The following CEP43 variants were observed in gnomAD, a reference collection of about 807,000 sequenced individuals.
CEP43 encodes FGFR1 oncogene partner.
A neutral mutation model predicts 52.6 loss-of-function variants in CEP43; 36 were observed. The observed-to-expected ratio is 0.68, with a 90% CI of 0.52 to 0.90. The LOEUF is 0.90. Among genes scored for constraint, CEP43 ranks in the 40% least tolerant of loss-of-function variants. The pLI is 0.00. For synonymous variants in CEP43, 192 were observed against 172.4 expected, an observed-to-expected ratio of 1.11 and a Z score of -0.89; for missense variants, 506 against 472.8, an observed-to-expected ratio of 1.07 and a Z score of -0.65.
intron 10 of CEP43, among the ~76,000 whole-genome samples, chr6:167,031,574 G>A (rs771845978): frequency 7.9e-5 from 12 of 152,212 alleles, no homozygotes; most frequent in African/African-American, 2.7e-4. Flanking sequence ...CAGTCTGACC[G>A]ATTTAGAGAC....
chr6:167,033,942 G>C lies in CEP43; in HGVS notation c.1096G>C (p.Glu366Gln). The change falls in exon 12 of 13, where the codon GAA becomes CAA. Residue 366 changes from glutamate to glutamine, a missense_variant. Physicochemically the swap from Glu to Gln is conservative, Grantham distance 29. Coordinates refer to ENST00000366847, the MANE Select transcript of CEP43 (RefSeq NM_007045.4). ...AGAGATAGAAGAAGACCTTTCTGTG[G>C]AAATAGATGACATCAATACCAGTGA... ...GEEIEEDLSV[E>Q]IDDINTSDKL... 1 of 1,587,652 alleles carries C rather than the reference G, an allele frequency of 6.3e-7. No individual in the cohort carries two copies. The highest frequency in any genetic ancestry group is 8.6e-7 in the Non-Finnish European group (1 of 1,159,630).
intron 5 of CEP43, among the ~76,000 whole-genome samples, chr6:167,009,539 T>C (rs1438942427): frequency 7.2e-6 from 1 of 138,074 alleles, no homozygotes; most frequent in Non-Finnish European, 1.5e-5. Flanking sequence ...ATACAAGGAA[T>C]TAGCTGGGCG....
chr6:167,021,861 C>G (rs1780239524), intron 7 of CEP43, among the ~76,000 whole-genome samples: 1 of 152,184 alleles, frequency 6.6e-6, no homozygotes, highest in Admixed American at 6.5e-5. Context: ...CAGCGCCTTT[C>G]ACCTTGATGC....
chr6:167,008,308 A>G (rs1255181587), intron 5 of CEP43, among the ~76,000 whole-genome samples: 1 of 151,358 alleles, frequency 6.6e-6, no homozygotes, highest in South Asian at 2.1e-4. Flanking sequence ...CTCAGCTGCA[A>G]CTCTTGTTCT....
In CEP43 at chr6:167,040,431, T is replaced by C; in HGVS notation, c.*453T>C. The C allele has an allele frequency of 8.1e-7, 1 of 1,238,652 alleles. No individual in the cohort carries two copies. The highest frequency in any genetic ancestry group is 1.0e-6 in the Non-Finnish European group (1 of 986,608). 76.7% of individuals were successfully genotyped at this position (1,238,652 alleles called of 1,614,324 possible). A position where few individuals can be genotyped will look rare whatever the true frequency, so the allele number is the denominator to read the frequency against. ...TTTTGATATTAGGTGGTTCTACACA[T>C]AGTTGGCAAAATGACTTGGTAAATT... On this transcript the variant is annotated 3_prime_UTR_variant, in exon 13 of 13. Coordinates refer to ENST00000366847, the MANE Select transcript of CEP43 (RefSeq NM_007045.4).
chr6:167,027,821 G>A (rs1178620119), intron 10 of CEP43: 4 of 972,398 alleles, frequency 4.1e-6, no homozygotes, highest in Non-Finnish European at 4.9e-6. Flanking sequence ...TAGGTGCCTA[G>A]TAAATGTTAG....
chr6:167,008,227 T>G (rs879297227), intron 5 of CEP43, among the ~76,000 whole-genome samples: 1 of 152,154 alleles, frequency 6.6e-6, no homozygotes, highest in Non-Finnish European at 1.5e-5. Context: ...TATTTCGTTA[T>G]TCTATCCTCC....
At chr6:167,036,275 G>A (rs2128668159) in intron 12 of CEP43, 1 of 985,446 alleles carries the variant, frequency 1.0e-6, no homozygotes, top group South Asian at 4.7e-5. Flanking sequence ...CATGAGAACA[G>A]AAGGGAGATC....
intron 7 of CEP43, among the ~76,000 whole-genome samples, chr6:167,017,954 A>G (rs1001663889): frequency 7.2e-5 from 11 of 152,258 alleles, no homozygotes; most frequent in Non-Finnish European, 1.5e-4. Context: ...AAGTACCAAT[A>G]TTGGGTGGCT....
chr6:167,036,568 A>C (rs1780589706), intron 12 of CEP43: 1 of 985,446 alleles, frequency 1.0e-6, no homozygotes, highest in Middle Eastern at 5.2e-4. Flanking sequence ...CTAATTCAGC[A>C]AACGTGAACA....
chr6:167,015,186 C>T (rs1388095149), intron 7 of CEP43, among the ~76,000 whole-genome samples: 1 of 152,134 alleles, frequency 6.6e-6, no homozygotes, highest in Admixed American at 6.5e-5. Context: ...GGATTTAGTC[C>T]ATAATTTGGG....
chr6:167,008,882 G>A (rs1015140497), intron 5 of CEP43, among the ~76,000 whole-genome samples: 2 of 152,178 alleles, frequency 1.3e-5, no homozygotes, highest in African/African-American at 4.8e-5. Flanking sequence ...AAAATATGGA[G>A]AAGTTAGCAG....
chr6:167,022,835 G>GT (rs1780267629), intron 8 of CEP43, among the ~76,000 whole-genome samples, 200 bp downstream of exon 8: 1 of 152,078 alleles, frequency 6.6e-6, no homozygotes, highest in South Asian at 2.1e-4. Flanking sequence ...ATTCCAACAA[G>GT]TAAGTGTAGA....
chr6:167,029,386 A>G (rs943954846), intron 10 of CEP43, among the ~76,000 whole-genome samples: 6 of 152,270 alleles, frequency 3.9e-5, no homozygotes, highest in Non-Finnish European at 7.3e-5. Flanking sequence ...GAAGTATTTC[A>G]GAGTCTGGAT....
chr6:167,000,621 A>G (rs543265289), intron 2 of CEP43, among the ~76,000 whole-genome samples: 47 of 152,366 alleles, frequency 3.1e-4, no homozygotes, highest in African/African-American at 1.1e-3. Flanking sequence ...ATATTCTGGA[A>G]TTTGTCAACA....
chr6:167,040,749 T>TATTCAGTACCA lies in CEP43; in HGVS notation c.*772_*773insTTCAGTACCAA, dbSNP rs11275310. The TATTCAGTACCA allele has an allele frequency of 0.45, 455,598 of 1,003,680 alleles. 104,911 individuals carry two copies. Among genetic ancestry groups the TATTCAGTACCA allele is most frequent in the East Asian group, 0.49 (7,460 of 15,368 alleles). The allele number at this position is 1,003,680 out of a possible 1,614,324, so 62.2% of individuals were successfully genotyped here. On this transcript the variant is annotated 3_prime_UTR_variant, in exon 13 of 13. Coordinates refer to ENST00000366847, the MANE Select transcript of CEP43 (RefSeq NM_007045.4). ...TTATCTGTAAAGATTCCTTGAAACT[T>TATTCAGTACCA]AAATGCATCTGAAACCATTAAGCAG... is the stretch of plus-strand genomic sequence containing the variant.
intron 7 of CEP43, among the ~76,000 whole-genome samples, chr6:167,017,185 C>T (rs1242777312): frequency 1.3e-5 from 2 of 151,642 alleles, no homozygotes; most frequent in African/African-American, 4.8e-5. Flanking sequence ...TTAGTAGAGA[C>T]GGGGTTTCAC....
At chr6:166,999,676 CAG>C in intron 1 of CEP43, 162 bp downstream of exon 1, 1 of 494,258 alleles carries the variant, frequency 2.0e-6, no homozygotes, top group Non-Finnish European at 3.4e-6. Context: ...GCCCGCCCCA[CAG>C]AGGGGGTCGG....
At chr6:167,039,256 A>C (rs1302855713) in intron 12 of CEP43, among the ~76,000 whole-genome samples, 5 of 151,948 alleles carry the variant, frequency 3.3e-5, no homozygotes, top group Admixed American at 3.3e-4. Context: ...CAGCCTCCCA[A>C]GTAGCTGGGA....
Sources: allele counts gnomAD v4.1 joint callset (sites outside exome capture counted in the v4.1 genomes callset), GRCh38; gene constraint gnomAD v4.1.1; transcripts MANE v1.5; gene names NCBI Gene and HGNC (gene_info 2026-07-23, HGNC 2026-07-21).